Variants in SFMBT2 observed in about 807,000 individuals in gnomAD.
SFMBT2 encodes Scm like with four mbt domains 2, also known as scm-like with four MBT domains protein 2.
SFMBT2 carries 38 observed loss-of-function variants against 110.1 expected under a neutral mutation model. The observed-to-expected ratio is 0.35, with a 90% confidence interval of 0.27 to 0.45. The LOEUF is 0.45. Among genes scored for constraint, SFMBT2 ranks in the 20% least tolerant of loss-of-function variants. The pLI is 1.00. For synonymous variants in SFMBT2, 425 were observed against 425.4 expected (o/e 1.00, Z 0.01); for missense variants, 1,011 against 1,094.9 (o/e 0.92, Z 1.08).
chr10:7,407,386 G>C (rs1846248649), intron 1 of SFMBT2, among the ~76,000 whole-genome samples: 1 of 152,192 alleles, frequency 6.6e-6, no homozygotes, highest in South Asian at 2.1e-4. Flanking sequence ...CGGTGCAAGA[G>C]TGGAGGGGGG....
chr10:7,313,935 T>C lies in SFMBT2; in HGVS notation c.437-27981A>G, dbSNP rs138200756. Among the ~76,000 whole-genome samples, 1,022 of 152,368 alleles carry C rather than the reference T, an allele frequency of 6.7e-3. 6 individuals carry two copies. Among genetic ancestry groups the C allele is most frequent in the African/African-American group, 0.022 (931 of 41,582 alleles). ...TATCTAGATACATGCACAGCTTTTC[T>C]GCAGTTATTTCTGGGAAGTGAGTTT... On this transcript the variant is annotated intron_variant, in intron 4 of 20. Coordinates refer to ENST00000397167, the MANE Select transcript of SFMBT2 (RefSeq NM_001387889.1).
chr10:7,334,735 G>C (rs761905492), intron 4 of SFMBT2, among the ~76,000 whole-genome samples: 1 of 152,178 alleles, frequency 6.6e-6, no homozygotes, highest in Non-Finnish European at 1.5e-5. Context: ...CCTCTGACTT[G>C]CCGTTTCCCA....
At position 7,367,838 on chromosome 10, in the gene SFMBT2, C is replaced by A. The variant is rs200038863; in HGVS notation, c.247G>T (p.Ala83Ser). The change falls in exon 4 of 21, where the codon GCT becomes TCT. Residue 83 changes from alanine to serine, a missense_variant. Around this residue, in one of 2 missense-constraint regions of SFMBT2, gnomAD observed 979 missense variants for 1,016.1 expected, o/e 0.96. Coordinates refer to ENST00000397167, the MANE Select transcript of SFMBT2 (RefSeq NM_001387889.1). This position sits in a 1 kb window ranked among gnomAD's most constrained non-coding sequence, Gnocchi z 6.2. The part of the protein sequence containing the change: ...NFQPGMKLEV[A>S]NKNNPDTYWV... ...TACGTGTCCGGGTTGTTCTTATTAG[C>A]CACTTCCAATTTCATTCCTGGCTGG... The A allele has an allele frequency of 3.7e-6, 6 of 1,614,062 alleles. No individual in the cohort carries two copies. Among genetic ancestry groups the A allele is most frequent in the Non-Finnish European group, 4.2e-6 (5 of 1,180,040 alleles).
At chr10:7,229,173 C>T (rs186832951) in intron 9 of SFMBT2, among the ~76,000 whole-genome samples, 4 of 152,260 alleles carry the variant, frequency 2.6e-5, no homozygotes, top group African/African-American at 7.2e-5. Context: ...ATCCAAATCC[C>T]CCAGTTTCTT....
chr10:7,301,661 C>A lies in SFMBT2; in HGVS notation c.437-15707G>T, dbSNP rs1356937823. The stretch of plus-strand genomic sequence containing the variant: ...CAATGAGAGGGAGGAGCTGCAGCTC[C>A]AAGTTGGGCCATTTACTATTCTGAA... On this transcript the variant is annotated intron_variant, in intron 4 of 20. Coordinates refer to ENST00000397167, the MANE Select transcript of SFMBT2 (RefSeq NM_001387889.1). This position sits in a 1 kb window ranked among gnomAD's most constrained non-coding sequence, Gnocchi z 4.2. Among the ~76,000 whole-genome samples, 1 of 152,144 alleles carries A rather than the reference C, an allele frequency of 6.6e-6. No individual in the cohort carries two copies.
intron 9 of SFMBT2, among the ~76,000 whole-genome samples, chr10:7,235,586 C>T (rs1035841882): frequency 1.1e-4 from 16 of 151,466 alleles, no homozygotes; most frequent in Admixed American, 3.3e-4. Flanking sequence ...ACCACACAGA[C>T]GTACCACACA....
intron 16 of SFMBT2, among the ~76,000 whole-genome samples, chr10:7,186,224 G>A (rs2131568790): frequency 6.6e-6 from 1 of 151,890 alleles, no homozygotes; most frequent in East Asian, 1.9e-4. Context: ...TTACTCTTAG[G>A]AGGTGGAAAA....
intron 20 of SFMBT2, among the ~76,000 whole-genome samples, chr10:7,169,799 C>G (rs567839721): frequency 6.6e-6 from 1 of 152,312 alleles, no homozygotes; most frequent in Admixed American, 6.5e-5. Context: ...TAAAAACCCT[C>G]TCTTCTTCCT....
intron 1 of SFMBT2, among the ~76,000 whole-genome samples, chr10:7,391,238 C>A (rs1347482175): frequency 1.3e-5 from 2 of 151,446 alleles, no homozygotes; most frequent in East Asian, 3.9e-4. Context: ...AAGCCCAAGG[C>A]GGGTGGATCA....
rs561048202 is a variant in SFMBT2 at position 7,324,757 on chromosome 10, G to A, written c.437-38803C>T. On this transcript the variant is annotated intron_variant, in intron 4 of 20. Transcript: ENST00000397167. ...GGGGGCAGCATGGTCAGTTTCACTC[G>A]GAGGCCTCTCCTCCTGGTTTGTAGG... Among the ~76,000 whole-genome samples the A allele has an allele frequency of 1.1e-4, 16 of 152,236 alleles. No individual in the cohort carries two copies. In the South Asian group the frequency reaches 2.1e-3, roughly 20 times the overall value.
intron 4 of SFMBT2, among the ~76,000 whole-genome samples, chr10:7,307,960 T>C (rs945559456): frequency 1.3e-5 from 2 of 152,200 alleles, no homozygotes; most frequent in African/African-American, 4.8e-5. Flanking sequence ...CAAATATGAG[T>C]GCTGAAAATA....
chr10:7,192,487 T>C (rs1838630342), intron 15 of SFMBT2, among the ~76,000 whole-genome samples: 1 of 152,216 alleles, frequency 6.6e-6, no homozygotes, highest in Non-Finnish European at 1.5e-5. Flanking sequence ...GAAAGCTTTC[T>C]AGTTTTTAGG....
Position 7,166,046 on chromosome 10 carries a change from A to C in SFMBT2, c.2545-2136T>G, listed in dbSNP as rs11812206. Among the ~76,000 whole-genome samples, 900 of 152,310 alleles carry C rather than the reference A, an allele frequency of 5.9e-3. 14 individuals are homozygous for C. Among genetic ancestry groups the C allele is most frequent in the African/African-American group, 0.021 (858 of 41,558 alleles). ...TTCCAGGTACCATGGGCCTCATAAA[A>C]ACACATTTTAAGTAGGCAGAGGGCT... On this transcript the variant is annotated intron_variant, in intron 20 of 20. Transcript: ENST00000397167.
intron 12 of SFMBT2, chr10:7,203,433 AC>A: frequency 3.0e-5 from 7 of 230,806 alleles, no homozygotes; most frequent in Non-Finnish European, 5.0e-5. Flanking sequence ...GGGATGCCTG[AC>A]CCCCTGGGAA....
In SFMBT2 at chr10:7,202,525, G is replaced by A. The variant is rs1163651979; in HGVS notation, c.1445-3C>T. 3 of 1,614,158 alleles carry A rather than the reference G, an allele frequency of 1.9e-6. No homozygotes were observed. The highest frequency in any genetic ancestry group is 2.5e-6 in the Non-Finnish European group (3 of 1,180,018). On this transcript the variant is annotated splice_region_variant and splice_polypyrimidine_tract_variant and intron_variant, in intron 12 of 20. Transcript: ENST00000397167. ...TGCAATCTTTCTCTTCTTTTGTGCT[G>A]TAGAAAAGGCAAAACGGAAAAAGAA...
rs772230061 is a variant in SFMBT2 at position 7,197,540 on chromosome 10, G to C, written c.1698+8C>G. 7.4e-6 allele frequency: 12 copies of C among 1,613,602 alleles called. No homozygotes were observed. Among genetic ancestry groups the C allele is most frequent in the South Asian group, 5.5e-5 (5 of 91,034 alleles). On this transcript the variant is annotated splice_region_variant and intron_variant, in intron 15 of 20. Transcript: ENST00000397167. ...AAATAAGCCAAGGTGATTGTGCACG[G>C]GCTTTACCTCTTTAAGAACCAGCAC...
At chr10:7,320,643 G>T in intron 4 of SFMBT2, 1 of 974,472 alleles carries the variant, frequency 1.0e-6, no homozygotes, top group African/African-American at 1.9e-5. Flanking sequence ...ATTCTGGGAG[G>T]TTAAGTAATA....
chr10:7,393,641 G>A (rs1294596863), intron 1 of SFMBT2, among the ~76,000 whole-genome samples: 1 of 152,190 alleles, frequency 6.6e-6, no homozygotes, highest in African/African-American at 2.4e-5. Flanking sequence ...TTTGTCTACA[G>A]TAAGGAGTAA....
intron 7 of SFMBT2, among the ~76,000 whole-genome samples, chr10:7,263,383 G>T (rs1841277465): frequency 6.6e-6 from 1 of 152,096 alleles, no homozygotes; most frequent in Non-Finnish European, 1.5e-5. Context: ...GTGGACTACA[G>T]GCACGTGCCA....
Sources: gnomAD v4.1 joint callset for allele counts (sites outside exome capture counted in the v4.1 genomes callset) on GRCh38, gnomAD v4.1.1 for gene constraint, gnomAD v4.1.1 regional missense constraint, Gnocchi (gnomAD v3.1) non-coding constraint, MANE v1.5 for transcripts, NCBI Gene and HGNC (gene_info 2026-07-23, HGNC 2026-07-21) for gene names.